The following KCNMB2 variants were observed in gnomAD, a reference collection of about 807,000 sequenced individuals.
KCNMB2 encodes the protein calcium-activated potassium channel subunit beta-2.
In KCNMB2, 9 loss-of-function variants were observed where a neutral mutation model predicts 24.5. That is an observed-to-expected ratio of 0.37 (90% CI 0.22 to 0.64). The LOEUF is 0.64. Among genes scored for constraint, KCNMB2 ranks in the 30% least tolerant of loss-of-function variants. The pLI is 0.63. For missense variants in KCNMB2, 226 were observed against 284.3 expected (o/e 0.79, Z 1.47); for synonymous variants, 109 against 104.4 (o/e 1.04, Z -0.27).
At chr3:178,656,064 C>T (rs1480560309) in intron 1 of KCNMB2, among the ~76,000 whole-genome samples, 1 of 152,178 alleles carries the variant, frequency 6.6e-6, no homozygotes, top group Admixed American at 6.5e-5. Context: ...ACAATTGTCT[C>T]ATAACCAGAC....
chr3:178,564,455 T>C (rs1716442933), intron 1 of KCNMB2, among the ~76,000 whole-genome samples: 2 of 151,970 alleles, frequency 1.3e-5, no homozygotes, highest in Non-Finnish European at 2.9e-5. Flanking sequence ...ACTGGAAAAA[T>C]TGAGAGGAAA....
intron 1 of KCNMB2, among the ~76,000 whole-genome samples, chr3:178,666,551 T>A (rs1053792564): frequency 2.6e-5 from 4 of 152,148 alleles, no homozygotes; most frequent in African/African-American, 9.7e-5. Flanking sequence ...ATTATTTAAA[T>A]CAGTATGTCA....
intron 1 of KCNMB2, among the ~76,000 whole-genome samples, chr3:178,804,574 T>C (rs1355620665): frequency 1.3e-5 from 2 of 152,210 alleles, no homozygotes; most frequent in African/African-American, 4.8e-5. Context: ...TTAATCTCCC[T>C]CTTTCTATAT....
intron 1 of KCNMB2, among the ~76,000 whole-genome samples, chr3:178,783,564 G>A (rs2108434062): frequency 6.8e-6 from 1 of 147,018 alleles, no homozygotes; most frequent in Admixed American, 6.8e-5. Flanking sequence ...ATTGTGAATG[G>A]GAGTTCACTC....
At chr3:178,580,766 A>G (rs966292231) in intron 1 of KCNMB2, among the ~76,000 whole-genome samples, 1 of 152,206 alleles carries the variant, frequency 6.6e-6, no homozygotes, top group Non-Finnish European at 1.5e-5. Context: ...TCCCATTCAC[A>G]ATTGCTACAA....
intron 1 of KCNMB2, among the ~76,000 whole-genome samples, chr3:178,728,068 T>C (rs1215531143): frequency 6.6e-6 from 1 of 152,248 alleles, no homozygotes; most frequent in African/African-American, 2.4e-5. Flanking sequence ...ACTGGCTATC[T>C]GTGAATTTTT....
chr3:178,622,440 A>T (rs912028609), intron 1 of KCNMB2, among the ~76,000 whole-genome samples: 2 of 152,208 alleles, frequency 1.3e-5, no homozygotes, highest in African/African-American at 2.4e-5. Context: ...AGGAACTATT[A>T]TCCATATTTT....
chr3:178,798,387 ATTTG>A lies in KCNMB2; in HGVS notation c.-67-8935_-67-8932del, dbSNP rs112870851. On this transcript the variant is annotated intron_variant, in intron 1 of 4. Transcript: ENST00000452583. ...TGGTCCTTGGTTTGTTTTTGTGTTT[ATTTG>A]TTTGTTTGTTTGTTTGTTTGCTTGT... 4.4e-3 allele frequency among the ~76,000 whole-genome samples: 666 copies of A among 151,714 alleles called. 2 individuals are homozygous for A. Among genetic ancestry groups the A allele is most frequent in the Non-Finnish European group, 5.0e-3 (339 of 67,850 alleles).
chr3:178,690,116 C>T (rs1721616927), intron 1 of KCNMB2, among the ~76,000 whole-genome samples: 1 of 152,166 alleles, frequency 6.6e-6, no homozygotes. Context: ...GAATTATAAA[C>T]TGTATTATGC....
intron 1 of KCNMB2, chr3:178,748,980 T>A (rs1723756501): frequency 6.6e-6 from 1 of 152,220 alleles, no homozygotes; most frequent in African/African-American, 2.4e-5. Flanking sequence ...AATCAATGGC[T>A]TGTAATCTCA....
chr3:178,842,903 T>A lies in KCNMB2; in HGVS notation c.674T>A (p.Leu225Gln), dbSNP rs748854558. 2.5e-6 allele frequency: 4 copies of A among 1,613,720 alleles called. No individual in the cohort carries two copies. The South Asian group carries it at 4.4e-5, about 18-fold the overall frequency. The change falls in exon 5 of 5, where the codon CTA becomes CAA. Residue 225 changes from leucine to glutamine, a missense_variant. Physicochemically the swap from Leu to Gln is moderately radical, Grantham distance 113. Coordinates refer to ENST00000452583, the MANE Select transcript of KCNMB2 (RefSeq NM_181361.3). ...AMVKLTQYLS[L>Q]LCERIQRINR ...GTGAAACTTACACAGTACCTCTCCC[T>A]ACTATGTGAGAGGATCCAACGGATC...
At chr3:178,684,369 T>G (rs1721383949) in intron 1 of KCNMB2, among the ~76,000 whole-genome samples, 1 of 149,802 alleles carries the variant, frequency 6.7e-6, no homozygotes. Context: ...GAGATGTAGA[T>G]TGGAGTATAC....
intron 1 of KCNMB2, among the ~76,000 whole-genome samples, chr3:178,804,256 A>AG (rs1713879770): frequency 6.6e-6 from 1 of 152,198 alleles, no homozygotes; most frequent in South Asian, 2.1e-4. Flanking sequence ...TAAGGAGTTC[A>AG]GGGGGGCTGT....
intron 1 of KCNMB2, among the ~76,000 whole-genome samples, chr3:178,761,339 TCC>T (rs1384319859): frequency 2.0e-5 from 3 of 152,148 alleles, no homozygotes; most frequent in Admixed American, 2.0e-4. Flanking sequence ...GCAATAGAAA[TCC>T]AATATTATTT....
At chr3:178,690,982 G>A (rs1290146596) in intron 1 of KCNMB2, among the ~76,000 whole-genome samples, 5 of 152,118 alleles carry the variant, frequency 3.3e-5, no homozygotes, top group Non-Finnish European at 7.4e-5. Context: ...CTGCCTCCCA[G>A]GCTGGAGTGC....
At chr3:178,636,396 G>T (rs997923521) in intron 1 of KCNMB2, among the ~76,000 whole-genome samples, 1 of 151,640 alleles carries the variant, frequency 6.6e-6, no homozygotes, top group Non-Finnish European at 1.5e-5. Flanking sequence ...AATAACTTAC[G>T]AAAAAAATAA....
rs111291740 is a variant in KCNMB2, at chr3:178,699,977, A to G, written c.-67-107366A>G. Among the ~76,000 whole-genome samples the G allele has an allele frequency of 1.7e-3, 261 of 152,312 alleles. 1 individual carries two copies. The highest frequency in any genetic ancestry group is 6.0e-3 in the African/African-American group (249 of 41,574). Reference sequence around the variant, plus strand: ...GTTCCCCTGGAGCTGTTGTGGTTCAAAAATGAGTCCCAGTGTGCAATGGCC... The same window carrying G: ...GTTCCCCTGGAGCTGTTGTGGTTCAGAAATGAGTCCCAGTGTGCAATGGCC... On this transcript the variant is annotated intron_variant, in intron 1 of 4. Transcript: ENST00000452583.
At chr3:178,612,722 T>C (rs1187773468) in intron 1 of KCNMB2, among the ~76,000 whole-genome samples, 1 of 152,192 alleles carries the variant, frequency 6.6e-6, no homozygotes, top group Non-Finnish European at 1.5e-5. Flanking sequence ...GAGAGTTTAG[T>C]CCATTTTACA....
chr3:178,576,804 C>G (rs1461562794), intron 1 of KCNMB2, among the ~76,000 whole-genome samples: 1 of 152,230 alleles, frequency 6.6e-6, no homozygotes, highest in Non-Finnish European at 1.5e-5. Context: ...TTCATCCTCC[C>G]TGGGCAGGGC....
Sources: allele counts gnomAD v4.1 joint callset (sites outside exome capture counted in the v4.1 genomes callset), GRCh38; gene constraint gnomAD v4.1.1; transcripts MANE v1.5; gene names NCBI Gene and HGNC (gene_info 2026-07-23, HGNC 2026-07-21).